The following MYT1L variants were observed in gnomAD, a reference collection of about 807,000 sequenced individuals.
MYT1L encodes myelin transcription factor 1-like protein.
Under a neutral mutation model 126.7 loss-of-function variants are expected in MYT1L, and 12 were observed. The observed-to-expected ratio is 0.09, with a 90% confidence interval of 0.06 to 0.15. The LOEUF (loss-of-function observed/expected upper bound fraction) is 0.15. Among genes scored for constraint, MYT1L ranks in the 10% least tolerant of loss-of-function variants. MYT1L has a pLI of 1.00. For synonymous variants in MYT1L, 541 were observed against 604.2 expected, an observed-to-expected ratio of 0.90 and a Z score of 1.53; for missense variants, 979 against 1,585.2, an observed-to-expected ratio of 0.62 and a Z score of 6.49.
In MYT1L at chr2:1,922,419, C is replaced by T; in HGVS notation, c.1350G>A (p.Glu450=). 6 of 1,613,952 alleles carry T rather than the reference C, an allele frequency of 3.7e-6. No homozygotes were observed. The highest frequency in any genetic ancestry group is 5.1e-6 in the Non-Finnish European group (6 of 1,179,872). Residue 450 remains glutamate, a synonymous_variant, in exon 10 of 25, where the codon GAG becomes GAA. Coordinates refer to ENST00000647738, the MANE Select transcript of MYT1L (RefSeq NM_001303052.2). This position sits in a 1 kb window ranked among gnomAD's most constrained non-coding sequence, Gnocchi z 7.4. ...TCCTCCCAGCTTCCATGGCCATCTTCTCCCTCATGGCCTTTGCTCTTTCCG... is the reference window on the plus strand; with the variant it reads ...TCCTCCCAGCTTCCATGGCCATCTTTTCCCTCATGGCCTTTGCTCTTTCCG... ...LETERAKAMR[E]KMAMEAGRRD...
chr2:2,086,891 G>A lies in MYT1L; in HGVS notation c.-303-32768C>T, dbSNP rs141121959. Among the ~76,000 whole-genome samples the A allele has an allele frequency of 3.2e-3, 495 of 152,312 alleles. 3 individuals are homozygous for A. Among genetic ancestry groups the A allele is most frequent in the African/African-American group, 0.011 (460 of 41,570 alleles). On this transcript the variant is annotated intron_variant, in intron 3 of 24. Transcript: ENST00000647738. ...GCTCCTGCCTCACAGCTCCGGGGAT[G>A]CCTGCCCCTCAGATGCCCCCTGCCA...
chr2:1,887,508 C>G lies in MYT1L; in HGVS notation c.2622G>C (p.Glu874Asp), dbSNP rs762941347. The change falls in exon 17 of 25, where the codon GAG becomes GAC. Residue 874 changes from glutamate to aspartate, a missense_variant. This residue lies in a region of MYT1L where 141 missense variants were observed against 170.6 expected (regional missense o/e 0.83). Coordinates refer to ENST00000647738, the MANE Select transcript of MYT1L (RefSeq NM_001303052.2). The surrounding 1 kb of genome is among the most constrained non-coding windows in gnomAD (Gnocchi z 4.8). Reference sequence around the variant, plus strand: ...CTTACGTTATTAAGTCCTTTTTGCTCTCCTTGCACTGAGGGTACTTGGGTT... The same window carrying G: ...CTTACGTTATTAAGTCCTTTTTGCTGTCCTTGCACTGAGGGTACTTGGGTT... ...SPKPKYPQCKESKKDLITLSG... is the reference protein window; with the variant it reads ...SPKPKYPQCKDSKKDLITLSG... 19 of 1,613,842 alleles carry G rather than the reference C, an allele frequency of 1.2e-5. No homozygotes were observed. The South Asian group carries it at 2.1e-4, about 18-fold the overall frequency.
At chr2:2,135,255 T>G (rs1055964502) in intron 3 of MYT1L, among the ~76,000 whole-genome samples, 1 of 152,146 alleles carries the variant, frequency 6.6e-6, no homozygotes, top group Non-Finnish European at 1.5e-5. Flanking sequence ...GCTGTTCTCA[T>G]GATAGTGAAT....
intron 4 of MYT1L, among the ~76,000 whole-genome samples, chr2:2,051,220 A>T (rs944909877): frequency 2.6e-5 from 4 of 152,246 alleles, no homozygotes; most frequent in African/African-American, 9.6e-5. Flanking sequence ...ACAACTGAAT[A>T]GTATTCCACG....
At position 2,273,665 on chromosome 2, in the gene MYT1L, G is replaced by A. The variant is rs1573036606; in HGVS notation, c.-421+10739C>T. ...CCCAGGGTAGGGGGGCTGTGACCAG[G>A]GCCACACATCTCAGAGTGGCTGCAG... On this transcript the variant is annotated intron_variant, in intron 2 of 24. Coordinates refer to ENST00000647738, the MANE Select transcript of MYT1L (RefSeq NM_001303052.2). Among the ~76,000 whole-genome samples, 3 of 152,300 alleles carry A rather than the reference G, an allele frequency of 2.0e-5. 1 individual carries two copies. Among genetic ancestry groups the A allele is most frequent in the African/African-American group, 7.2e-5 (3 of 41,566 alleles).
At chr2:2,162,844 T>A (rs992306173) in intron 3 of MYT1L, among the ~76,000 whole-genome samples, 1 of 152,226 alleles carries the variant, frequency 6.6e-6, no homozygotes, top group Non-Finnish European at 1.5e-5. Flanking sequence ...GTCGGAAATG[T>A]TCTCTTGCTC....
At position 2,078,147 on chromosome 2, in the gene MYT1L, CTG is replaced by C. The variant is rs2075415967; in HGVS notation, c.-303-24026_-303-24025del. ...TAGGTTGCTTCAAGTTAACAGCTAA[CTG>C]TAATTTCCAGGGAAATTAATGAGAG... On this transcript the variant is annotated intron_variant, in intron 3 of 24. Transcript: ENST00000647738. Among the ~76,000 whole-genome samples the C allele has an allele frequency of 2.6e-5, 4 of 152,088 alleles. No individual in the cohort carries two copies. In the South Asian group the frequency reaches 8.3e-4, roughly 32 times the overall value.
rs2080578350 is a variant in MYT1L at position 2,118,878 on chromosome 2, CATA to C, written c.-304+53991_-304+53993del. Among the ~76,000 whole-genome samples, 5 of 152,356 alleles carry C rather than the reference CATA, an allele frequency of 3.3e-5. No homozygotes were observed. The South Asian group carries it at 8.3e-4, about 25-fold the overall frequency. ...ATCAAGGTTGGAACACTGACATTTT[CATA>C]ATGAGAGGTAAATAGAATAAGGCGC... On this transcript the variant is annotated intron_variant, in intron 3 of 24. Coordinates refer to ENST00000647738, the MANE Select transcript of MYT1L (RefSeq NM_001303052.2).
chr2:1,975,963 T>C (rs533132559), intron 8 of MYT1L, among the ~76,000 whole-genome samples: 1 of 152,336 alleles, frequency 6.6e-6, no homozygotes, highest in South Asian at 2.1e-4. Flanking sequence ...GCCCTACATC[T>C]ACCTCAAGTT....
chr2:2,006,631 A>G (rs1421573431), intron 4 of MYT1L, among the ~76,000 whole-genome samples: 3 of 152,020 alleles, frequency 2.0e-5, no homozygotes, highest in Non-Finnish European at 4.4e-5. Context: ...GCTGGAGTGC[A>G]GTGGCGTGAT....
rs147453721 is a variant in MYT1L at position 2,249,109 on chromosome 2, T to C, written c.-421+35295A>G. Among the ~76,000 whole-genome samples the C allele has an allele frequency of 7.9e-3, 1,199 of 152,118 alleles. 19 individuals carry two copies. Among genetic ancestry groups the C allele is most frequent in the African/African-American group, 0.028 (1,150 of 41,520 alleles). ...TTTGCAGATGATATGATCTTATATT[T>C]GGAAAAAAACTAAAGATTACACCAA... On this transcript the variant is annotated intron_variant, in intron 2 of 24. Transcript: ENST00000647738.
intron 3 of MYT1L, among the ~76,000 whole-genome samples, chr2:2,067,785 A>G (rs1382980979): frequency 6.6e-6 from 1 of 152,200 alleles, no homozygotes; most frequent in East Asian, 1.9e-4. Context: ...AAGAAGATAT[A>G]TTTTTGATTT....
At chr2:2,169,561 C>T (rs1330363111) in intron 3 of MYT1L, among the ~76,000 whole-genome samples, 1 of 152,194 alleles carries the variant, frequency 6.6e-6, no homozygotes, top group Admixed American at 6.5e-5. Flanking sequence ...GAGCTGGTGG[C>T]ATACAGTCCC....
chr2:2,069,362 G>A (rs2074306000), intron 3 of MYT1L, among the ~76,000 whole-genome samples: 1 of 152,050 alleles, frequency 6.6e-6, no homozygotes, highest in Non-Finnish European at 1.5e-5. Context: ...TGAGAATGAT[G>A]GTTTCCAACT....
intron 21 of MYT1L, among the ~76,000 whole-genome samples, chr2:1,838,662 T>C (rs914253310): frequency 4.6e-5 from 7 of 152,284 alleles, no homozygotes; most frequent in African/African-American, 1.7e-4. Context: ...TCTAACTGCA[T>C]GTATTTCTTT....
chr2:2,112,732 G>A (rs1575243389), intron 3 of MYT1L, among the ~76,000 whole-genome samples: 1 of 152,204 alleles, frequency 6.6e-6, no homozygotes, highest in South Asian at 2.1e-4. Context: ...AGCACTCTCA[G>A]AACTAAGAAA....
chr2:1,877,682 A>G (rs1453196367), intron 18 of MYT1L, among the ~76,000 whole-genome samples: 1 of 152,144 alleles, frequency 6.6e-6, no homozygotes, highest in Admixed American at 6.5e-5. Context: ...TGGGACAGGC[A>G]GGGGTTCCGG....
intron 21 of MYT1L, among the ~76,000 whole-genome samples, chr2:1,834,522 T>C (rs1444668021): frequency 6.6e-6 from 1 of 152,204 alleles, no homozygotes; most frequent in Admixed American, 6.5e-5. Context: ...GGAAGGAAGC[T>C]TGGATACGTG....
At chr2:2,053,070 T>C (rs2069030984) in intron 4 of MYT1L, among the ~76,000 whole-genome samples, 2 of 152,212 alleles carry the variant, frequency 1.3e-5, no homozygotes, top group South Asian at 4.1e-4. Flanking sequence ...TGGACTATTA[T>C]TCAGCCTTAG....
Sources: allele counts gnomAD v4.1 joint callset (sites outside exome capture counted in the v4.1 genomes callset), GRCh38; gene constraint gnomAD v4.1.1; regional missense constraint gnomAD v4.1.1; non-coding constraint Gnocchi (gnomAD v3.1); transcripts MANE v1.5; gene names NCBI Gene and HGNC (gene_info 2026-07-23, HGNC 2026-07-21).